Variants in ACBD7 observed in about 807,000 individuals in gnomAD.
ACBD7 encodes acyl-CoA-binding domain-containing protein 7.
A neutral mutation model predicts 13.7 loss-of-function variants in ACBD7; 11 were observed. The observed-to-expected ratio is 0.80, with a 90% CI of 0.50 to 1.33. The LOEUF is 1.33. Among genes scored for constraint, ACBD7 ranks in the 40% most tolerant of loss-of-function variants. The pLI, the probability that ACBD7 is intolerant of heterozygous loss-of-function variation, is 0.00. For missense variants in ACBD7, 111 were observed against 103.0 expected, an observed-to-expected ratio of 1.08 and a Z score of -0.33; for synonymous variants, 43 against 37.7, an observed-to-expected ratio of 1.14 and a Z score of -0.51.
intron 1 of ACBD7, 68 bp from the exon 2 acceptor site, chr10:15,079,108 A>C (rs1191089412): frequency 2.5e-5 from 24 of 951,998 alleles, no homozygotes; most frequent in Middle Eastern, 4.5e-4. Flanking sequence ...CTCAAAGAGC[A>C]GGAAGAGGAA....
In ACBD7 at chr10:15,078,461, C is replaced by G. The variant is rs1480815720; in HGVS notation, c.*69G>C. On this transcript the variant is annotated 3_prime_UTR_variant, in exon 4 of 4. Coordinates refer to ENST00000356189, the MANE Select transcript of ACBD7 (RefSeq NM_001039844.3). ...TACATCAAGTTAACAGTATGCCTCT[C>G]CCTCTAAATGTTAGGTCATGATAGC... is the stretch of plus-strand genomic sequence containing the variant. 3 of 1,608,826 alleles carry G rather than the reference C, an allele frequency of 1.9e-6. No homozygotes were observed. Among genetic ancestry groups the G allele is most frequent in the Non-Finnish European group, 2.5e-6 (3 of 1,177,992 alleles).
At chr10:15,081,023 C>T (rs1844743295) in intron 1 of ACBD7, among the ~76,000 whole-genome samples, 1 of 152,170 alleles carries the variant, frequency 6.6e-6, no homozygotes, top group Non-Finnish European at 1.5e-5. Flanking sequence ...GATAGCCCCA[C>T]TGTAACCTCA....
rs10541297 is a variant in ACBD7 at position 15,075,976 on chromosome 10, C to CAAAAAAAAAAAAA, written c.*2541_*2553dup. On this transcript the variant is annotated 3_prime_UTR_variant, in exon 4 of 4. Coordinates refer to ENST00000356189, the MANE Select transcript of ACBD7 (RefSeq NM_001039844.3). ...GTAACAGAGTGACAGCCTGTCTCAA[C>CAAAAAAAAAAAAA]AAAAAAAAAAAAAAAAAAAAAGAAA... 20 of 313,708 alleles carry CAAAAAAAAAAAAA rather than the reference C, an allele frequency of 6.4e-5. No individual in the cohort carries two copies. The highest frequency in any genetic ancestry group is 3.1e-4 in the Admixed American group (3 of 9,616). 19.4% of individuals were successfully genotyped at this position (313,708 alleles called of 1,614,324 possible). A position where few individuals can be genotyped will look rare whatever the true frequency, so the allele number is the denominator to read the frequency against.
At position 15,078,199 on chromosome 10, in the gene ACBD7, C is replaced by G. The variant is rs942322925; in HGVS notation, c.*331G>C. The G allele has an allele frequency of 5.4e-6, 2 of 370,778 alleles. No individual in the cohort carries two copies. The highest frequency in any genetic ancestry group is 5.8e-5 in the South Asian group (1 of 17,386). 23.0% of individuals were successfully genotyped at this position (370,778 alleles called of 1,614,324 possible). On this transcript the variant is annotated 3_prime_UTR_variant, in exon 4 of 4. Coordinates refer to ENST00000356189, the MANE Select transcript of ACBD7 (RefSeq NM_001039844.3). ...TATGAGTGAGAACATGCTTGGTTTTCTGATCTTGTGATAGTTTGCTGAGAA... is the reference window on the plus strand; with the variant it reads ...TATGAGTGAGAACATGCTTGGTTTTGTGATCTTGTGATAGTTTGCTGAGAA...
intron 2 of ACBD7, 36 bp downstream of exon 2, chr10:15,078,887 A>G: frequency 8.3e-7 from 1 of 1,206,032 alleles, no homozygotes; most frequent in South Asian, 2.5e-5. Context: ...ATTAATTGTA[A>G]CATATGAATA....
chr10:15,079,267 T>TA (rs1844721476), intron 1 of ACBD7, among the ~76,000 whole-genome samples: 1 of 121,524 alleles, frequency 8.2e-6, no homozygotes. Context: ...CGGTTTAACT[T>TA]CTTTTTTTTT....
At position 15,075,730 on chromosome 10, in the gene ACBD7, T is replaced by C. The variant is rs944016661; in HGVS notation, c.*2800A>G. Among the ~76,000 whole-genome samples the C allele has an allele frequency of 2.0e-5, 3 of 152,096 alleles. No homozygotes were observed. Among genetic ancestry groups the C allele is most frequent in the African/African-American group, 7.2e-5 (3 of 41,442 alleles). Reference sequence around the variant, plus strand: ...GGCTCATGCCTATAGTCTCAGCACTTTGGGGGGCCAAGGTGGGTAGATCAC... The same window carrying C: ...GGCTCATGCCTATAGTCTCAGCACTCTGGGGGGCCAAGGTGGGTAGATCAC... On this transcript the variant is annotated 3_prime_UTR_variant, in exon 4 of 4. Coordinates refer to ENST00000356189, the MANE Select transcript of ACBD7 (RefSeq NM_001039844.3).
chr10:15,078,701 G>A lies in ACBD7; in HGVS notation c.183C>T (p.Asn61=). 6.2e-7 allele frequency: 1 copy of A among 1,613,934 alleles called. No individual in the cohort carries two copies. The highest frequency in any genetic ancestry group is 8.5e-7 in the Non-Finnish European group (1 of 1,180,002). Reference sequence around the variant, plus strand: ...GAAAGACTAAAAAACCTTTTTTGAGGTTCCATGCTTCCCATTTGGCTTTGC... The same window carrying A: ...GAAAGACTAAAAAACCTTTTTTGAGATTCCATGCTTCCCATTTGGCTTTGC... The part of the protein sequence containing the change: ...LKGKAKWEAW[N]LKKGLSTEDA... The change falls in exon 3 of 4, where the codon AAC becomes AAT. Residue 61 remains asparagine (N), a synonymous_variant. Transcript: ENST00000356189.
intron 1 of ACBD7, among the ~76,000 whole-genome samples, chr10:15,081,022 A>G (rs535571088): frequency 5.9e-5 from 9 of 152,140 alleles, no homozygotes; most frequent in African/African-American, 1.7e-4. Flanking sequence ...GGATAGCCCC[A>G]CTGTAACCTC....
Position 15,078,546 on chromosome 10 carries a change from T to G in ACBD7, c.251A>C (p.Glu84Ala). 1 of 1,614,210 alleles carries G rather than the reference T, an allele frequency of 6.2e-7. No homozygotes were observed. The highest frequency in any genetic ancestry group is 8.5e-7 in the Non-Finnish European group (1 of 1,180,034). ...AYISKAKELI[E>A]KYGI The stretch of plus-strand genomic sequence containing the variant: ...TGCTGTATTCTAAATTCCGTATTTT[T>G]CTATCAGCTCCTTTGCTTTAGAAAT... Residue 84 changes from glutamate to alanine, a missense_variant, in exon 4 of 4, where the codon GAA (glutamate) becomes GCA (alanine). By Grantham distance (107) the Glu-to-Ala change is moderately radical (BLOSUM62 -1). Coordinates refer to ENST00000356189, the MANE Select transcript of ACBD7 (RefSeq NM_001039844.3).
In ACBD7 at chr10:15,075,928, C is replaced by T. The variant is rs527308036; in HGVS notation, c.*2602G>A. 6.5e-4 allele frequency: 140 copies of T among 214,242 alleles called. No individual in the cohort carries two copies. The highest frequency in any genetic ancestry group is 3.4e-3 in the African/African-American group (134 of 39,544). The allele number at this position is 214,242 out of a possible 1,614,324, so 13.3% of individuals were successfully genotyped here. Reference sequence around the variant, plus strand: ...GGCAGAGGTTGCAGTGAGCCGAGAGCGTGCCACTGCGCTCCAGCCTGGGTA... The same window carrying T: ...GGCAGAGGTTGCAGTGAGCCGAGAGTGTGCCACTGCGCTCCAGCCTGGGTA... On this transcript the variant is annotated 3_prime_UTR_variant, in exon 4 of 4. Transcript: ENST00000356189.
Position 15,076,965 on chromosome 10 carries a change from G to C in ACBD7, c.*1565C>G. Reference sequence around the variant, plus strand: ...AAAAACAACAGATGTGGAGAAAAGGGAATGCTTATACACTATTGGTGGGAA... The same window carrying C: ...AAAAACAACAGATGTGGAGAAAAGGCAATGCTTATACACTATTGGTGGGAA... On this transcript the variant is annotated 3_prime_UTR_variant, in exon 4 of 4. Coordinates refer to ENST00000356189, the MANE Select transcript of ACBD7 (RefSeq NM_001039844.3). 1.0e-6 allele frequency: 1 copy of C among 974,714 alleles called. No homozygotes were observed. The highest frequency in any genetic ancestry group is 1.2e-6 in the Non-Finnish European group (1 of 820,246). The allele number at this position is 974,714 out of a possible 1,614,324, so 60.4% of individuals were successfully genotyped here. A position where few individuals can be genotyped will look rare whatever the true frequency, so the allele number is the denominator to read the frequency against.
intron 1 of ACBD7, among the ~76,000 whole-genome samples, chr10:15,084,297 TTAAG>T (rs1438037303): frequency 6.6e-6 from 1 of 152,194 alleles, no homozygotes; most frequent in Non-Finnish European, 1.5e-5. Flanking sequence ...TCTGAGTCTA[TTAAG>T]TACATCCTTG....
In ACBD7 at chr10:15,077,011, A is replaced by T; in HGVS notation, c.*1519T>A. On this transcript the variant is annotated 3_prime_UTR_variant, in exon 4 of 4. Transcript: ENST00000356189. Reference sequence around the variant, plus strand: ...GGGAATGTAAATTAGTACAACCTCTATGAAAAACAGCACGGAAATTTCTCA... The same window carrying T: ...GGGAATGTAAATTAGTACAACCTCTTTGAAAAACAGCACGGAAATTTCTCA... The T allele has an allele frequency of 1.2e-6, 1 of 849,140 alleles. No homozygotes were observed. Among genetic ancestry groups the T allele is most frequent in the Non-Finnish European group, 1.4e-6 (1 of 705,818 alleles). 52.6% of individuals were successfully genotyped at this position (849,140 alleles called of 1,614,324 possible).
In ACBD7 at chr10:15,088,748, T is replaced by TTGC. The variant is rs1844839835; in HGVS notation, c.-23_-21dup. The TTGC allele has an allele frequency of 6.3e-7, 1 of 1,598,896 alleles. No individual in the cohort carries two copies. The highest frequency in any genetic ancestry group is 1.1e-5 in the South Asian group (1 of 89,688). On this transcript the variant is annotated 5_prime_UTR_variant, in exon 1 of 4. Transcript: ENST00000356189. ...GGCCATGGTGGCGGCTGCCGCGTTG[T>TTGC]TGCTGCTGCTGTTGTCGTCCGGTGC...
intron 1 of ACBD7, among the ~76,000 whole-genome samples, chr10:15,079,866 C>T (rs937537450): frequency 2.0e-5 from 3 of 150,170 alleles, no homozygotes; most frequent in Non-Finnish European, 4.4e-5. Flanking sequence ...TGTGAGCCAC[C>T]GTGCCCAGCT....
intron 1 of ACBD7, among the ~76,000 whole-genome samples, chr10:15,084,052 A>G (rs1368594113): frequency 6.6e-6 from 1 of 152,214 alleles, no homozygotes; most frequent in Non-Finnish European, 1.5e-5. Context: ...ACGGGAAGGT[A>G]CGGAACGGAA....
chr10:15,078,852 TA>T, intron 2 of ACBD7, 70 bp downstream of exon 2: 4 of 1,261,322 alleles, frequency 3.2e-6, no homozygotes, highest in Non-Finnish European at 4.2e-6. Flanking sequence ...TTTAAGTAAT[TA>T]TATATTATAA....
rs1271894466 is a variant in ACBD7, at chr10:15,076,070, T to C, written c.*2460A>G. On this transcript the variant is annotated 3_prime_UTR_variant, in exon 4 of 4. Coordinates refer to ENST00000356189, the MANE Select transcript of ACBD7 (RefSeq NM_001039844.3). ...GGGGACTGGCTTTTTCTGCTCAGCA[T>C]AATTCCCTGGAAATTCATCTAGCAG... 1.8e-5 allele frequency: 17 copies of C among 970,374 alleles called. No individual in the cohort carries two copies. Among genetic ancestry groups the C allele is most frequent in the Non-Finnish European group, 2.1e-5 (17 of 816,488 alleles). 60.1% of individuals were successfully genotyped at this position (970,374 alleles called of 1,614,324 possible).
Sources: gnomAD v4.1 joint callset for allele counts (sites outside exome capture counted in the v4.1 genomes callset) on GRCh38, gnomAD v4.1.1 for gene constraint, MANE v1.5 for transcripts, NCBI Gene and HGNC (gene_info 2026-07-23, HGNC 2026-07-21) for gene names.